Variants in PPFIA2 observed in about 807,000 individuals in gnomAD.
The protein encoded by PPFIA2 is PPFI scaffold protein A2.
In PPFIA2, 46 loss-of-function variants were observed where a neutral mutation model predicts 175.5. The observed-to-expected ratio is 0.26, with a 90% CI of 0.21 to 0.34. The LOEUF is 0.34. PPFIA2 is among the 10% of genes least tolerant of loss of function. PPFIA2 has a pLI of 1.00. For missense variants in PPFIA2, 1,179 were observed against 1,506.1 expected (o/e 0.78, Z 3.60); for synonymous variants, 568 against 511.4 (o/e 1.11, Z -1.49).
At chr12:81,497,602 C>A (rs1156816647) in intron 4 of PPFIA2, among the ~76,000 whole-genome samples, 2 of 132,414 alleles carry the variant, frequency 1.5e-5, no homozygotes. Context: ...TGCAATGGTG[C>A]GATCTCGGCT....
chr12:81,315,632 AC>A (rs1156276679), intron 22 of PPFIA2, among the ~76,000 whole-genome samples: 1 of 151,738 alleles, frequency 6.6e-6, no homozygotes, highest in Non-Finnish European at 1.5e-5. Flanking sequence ...TCAGAATAGG[AC>A]CATGAAGAGT....
intron 9 of PPFIA2, 96 bp from the exon 10 acceptor site, chr12:81,376,038 G>C: frequency 8.6e-7 from 1 of 1,164,186 alleles, no homozygotes; most frequent in Non-Finnish European, 1.2e-6. Context: ...AAAAACTATT[G>C]CATTCTTGAA....
intron 4 of PPFIA2, among the ~76,000 whole-genome samples, chr12:81,627,157 T>C (rs1174853377): frequency 3.3e-5 from 5 of 151,940 alleles, no homozygotes; most frequent in Non-Finnish European, 5.9e-5. Flanking sequence ...GGCTGATAAA[T>C]GGATACAAAT....
At chr12:81,688,186 C>A (rs1013367020) in intron 3 of PPFIA2, among the ~76,000 whole-genome samples, 1 of 151,800 alleles carries the variant, frequency 6.6e-6, no homozygotes. Flanking sequence ...TTTTGCTGTA[C>A]ATTAAAAACT....
intron 4 of PPFIA2, among the ~76,000 whole-genome samples, chr12:81,606,939 G>C (rs886696011): frequency 2.6e-5 from 4 of 152,044 alleles, no homozygotes; most frequent in Non-Finnish European, 2.9e-5. Context: ...GATTTCTATA[G>C]TTTGATGTCT....
intron 4 of PPFIA2, among the ~76,000 whole-genome samples, chr12:81,529,238 T>C (rs2064149204): frequency 6.6e-6 from 1 of 152,012 alleles, no homozygotes; most frequent in African/African-American, 2.4e-5. Context: ...TGTACTTTTC[T>C]GTGTTACATA....
At chr12:81,721,593 G>T (rs1426159068) in intron 3 of PPFIA2, among the ~76,000 whole-genome samples, 2 of 151,220 alleles carry the variant, frequency 1.3e-5, no homozygotes, top group African/African-American at 2.4e-5. Context: ...AAAGCATAAA[G>T]CTTATCCCCC....
rs557249044 is a variant in PPFIA2, at chr12:81,384,190, G to A, written c.817C>T (p.Leu273=). 3 of 1,608,930 alleles carry A rather than the reference G, an allele frequency of 1.9e-6. No individual in the cohort carries two copies. The highest frequency in any genetic ancestry group is 2.2e-5 in the South Asian group (2 of 90,670). Residue 273 remains leucine (L), a synonymous_variant, in exon 9 of 33, where the codon CTA becomes TTA. Coordinates refer to ENST00000549396, the MANE Select transcript of PPFIA2 (RefSeq NM_003625.5). The part of the protein sequence containing the change: ...STDETSQIVE[L]QELLEKQNYE... ...TTTTGCTTTTCAAGCAATTCTTGTA[G>A]TTCAACTATTTGACTAGTTTCATCG... is the stretch of plus-strand genomic sequence containing the variant.
intron 4 of PPFIA2, among the ~76,000 whole-genome samples, chr12:81,473,375 C>T (rs544623777): frequency 6.6e-6 from 1 of 152,296 alleles, no homozygotes; most frequent in Non-Finnish European, 1.5e-5. Flanking sequence ...AGCCATTGCA[C>T]TCTAGTCTGG....
intron 4 of PPFIA2, among the ~76,000 whole-genome samples, chr12:81,570,989 TA>T (rs1029590982): frequency 6.6e-6 from 1 of 151,752 alleles, no homozygotes; most frequent in Non-Finnish European, 1.5e-5. Flanking sequence ...CATCCCCTAG[TA>T]AAAAAAATCA....
At chr12:81,683,126 A>G (rs766021056) in intron 3 of PPFIA2, among the ~76,000 whole-genome samples, 10 of 152,036 alleles carry the variant, frequency 6.6e-5, no homozygotes, top group Non-Finnish European at 1.3e-4. Flanking sequence ...TCTTGATTCC[A>G]TCACAACTCT....
chr12:81,267,278 T>C, intron 29 of PPFIA2: 1 of 541,756 alleles, frequency 1.8e-6, no homozygotes, highest in South Asian at 1.6e-5. Context: ...CCTCACTTCG[T>C]TACTATATTT....
intron 8 of PPFIA2, among the ~76,000 whole-genome samples, chr12:81,396,378 T>C (rs2041137830): frequency 6.6e-6 from 1 of 152,050 alleles, no homozygotes; most frequent in Non-Finnish European, 1.5e-5. Context: ...TACATTACTA[T>C]GTTAGAATAT....
intron 7 of PPFIA2, among the ~76,000 whole-genome samples, chr12:81,426,977 T>G (rs1351388943): frequency 1.3e-5 from 2 of 152,150 alleles, no homozygotes; most frequent in Admixed American, 1.3e-4. Flanking sequence ...CTTTTATGTA[T>G]AGTTAAATGT....
intron 7 of PPFIA2, among the ~76,000 whole-genome samples, chr12:81,409,307 T>C (rs910056841): frequency 1.3e-5 from 2 of 152,184 alleles, no homozygotes; most frequent in African/African-American, 4.8e-5. Context: ...GCCTACTTGC[T>C]ATGGTTTAAA....
intron 21 of PPFIA2, among the ~76,000 whole-genome samples, chr12:81,337,961 G>A (rs1383725200): frequency 6.6e-6 from 1 of 152,100 alleles, no homozygotes; most frequent in African/African-American, 2.4e-5. Flanking sequence ...TACTGAGAAA[G>A]AGGAATACAA....
rs138467356 is a variant in PPFIA2, at chr12:81,634,414, A to T, written c.303+42377T>A. Among the ~76,000 whole-genome samples the T allele has an allele frequency of 2.4e-3, 360 of 152,210 alleles. 2 individuals are homozygous for T. Among genetic ancestry groups the T allele is most frequent in the African/African-American group, 8.1e-3 (337 of 41,588 alleles). On this transcript the variant is annotated intron_variant, in intron 4 of 32. Coordinates refer to ENST00000549396, the MANE Select transcript of PPFIA2 (RefSeq NM_003625.5). ...TTTCATTTTGTATTCTTTAAAGCAC[A>T]GAGCACGTTTCTGGCCTTTGGTTGA... is the stretch of plus-strand genomic sequence containing the variant.
intron 4 of PPFIA2, among the ~76,000 whole-genome samples, chr12:81,642,974 TTA>T (rs1567692344): frequency 4.6e-5 from 1 of 21,544 alleles, no homozygotes; most frequent in African/African-American, 5.7e-4. Flanking sequence ...CATATATAAA[TTA>T]TATATCTCTT....
intron 4 of PPFIA2, among the ~76,000 whole-genome samples, chr12:81,663,900 C>G (rs2069518460): frequency 6.6e-6 from 1 of 152,202 alleles, no homozygotes; most frequent in African/African-American, 2.4e-5. Flanking sequence ...CTACAACCAT[C>G]TGATGTTTGA....
Sources: allele counts gnomAD v4.1 joint callset (sites outside exome capture counted in the v4.1 genomes callset), GRCh38; gene constraint gnomAD v4.1.1; transcripts MANE v1.5; gene names NCBI Gene and HGNC (gene_info 2026-07-23, HGNC 2026-07-21).